The following OPCML variants were observed in gnomAD, a reference collection of about 807,000 sequenced individuals.
OPCML encodes the protein opioid-binding protein/cell adhesion molecule.
A neutral mutation model predicts 37.8 loss-of-function variants in OPCML; 13 were observed. That is an observed-to-expected ratio of 0.34 (90% CI 0.22 to 0.55). The LOEUF (loss-of-function observed/expected upper bound fraction) is 0.55. Among genes scored for constraint, OPCML ranks in the 20% least tolerant of loss-of-function variants. The probability of loss-of-function intolerance (pLI) is 0.91; values close to 1 mark genes in which losing one functional copy is unlikely to be tolerated. For missense variants in OPCML, 341 were observed against 435.6 expected (o/e 0.78, Z 1.93); for synonymous variants, 176 against 168.8 (o/e 1.04, Z -0.33).
intron 1 of OPCML, among the ~76,000 whole-genome samples, chr11:132,947,933 C>T (rs745401732): frequency 6.6e-6 from 1 of 152,166 alleles, no homozygotes; most frequent in Non-Finnish European, 1.5e-5. Flanking sequence ...ATTCAATATG[C>T]TCCAGTGAGC....
chr11:133,512,249 C>T (rs1458488894), intron 1 of OPCML, among the ~76,000 whole-genome samples: 2 of 152,256 alleles, frequency 1.3e-5, no homozygotes, highest in Non-Finnish European at 2.9e-5. Flanking sequence ...TAGATTCCCA[C>T]ACCTACCACC....
intron 3 of OPCML, among the ~76,000 whole-genome samples, chr11:132,617,071 T>C (rs2137887418): frequency 6.6e-6 from 1 of 152,376 alleles, no homozygotes; most frequent in East Asian, 1.9e-4. Flanking sequence ...TTGCAGCAGA[T>C]CAATGGCTGA....
At chr11:132,669,418 G>C (rs1416117331) in intron 2 of OPCML, among the ~76,000 whole-genome samples, 1 of 129,026 alleles carries the variant, frequency 7.8e-6, no homozygotes, top group Admixed American at 7.8e-5. Flanking sequence ...AAGGGAAAAG[G>C]GAAAATTATT....
At chr11:133,361,148 C>T (rs1416308466) in intron 1 of OPCML, 1 of 152,354 alleles carries the variant, frequency 6.6e-6, no homozygotes, top group African/African-American at 2.4e-5. Flanking sequence ...CGCTTGACCA[C>T]CAAGCCGGCG....
Position 132,943,493 on chromosome 11 carries a change from G to C in OPCML, c.62-483C>G. 4.2e-6 allele frequency: 1 copy of C among 237,322 alleles called. No homozygotes were observed. Among genetic ancestry groups the C allele is most frequent in the Non-Finnish European group, 8.4e-6 (1 of 119,094 alleles). The allele number at this position is 237,322 out of a possible 1,614,324, so 14.7% of individuals were successfully genotyped here. On this transcript the variant is annotated intron_variant, in intron 1 of 7. Transcript: ENST00000524381. This position sits in a 1 kb window ranked among gnomAD's most constrained non-coding sequence, Gnocchi z 4.3. ...GTTCTGCAGAGCTCTGGCATCAAAA[G>C]TTTATAACCCAAAGAAGAAGGCAAG... is the stretch of plus-strand genomic sequence containing the variant.
intron 1 of OPCML, among the ~76,000 whole-genome samples, chr11:132,970,038 C>G (rs564130528): frequency 1.3e-5 from 2 of 152,118 alleles, no homozygotes; most frequent in East Asian, 3.9e-4. Context: ...ATTTCAGCAA[C>G]TCCGGACACT....
chr11:133,421,290 A>G (rs1298285564), intron 1 of OPCML: 1 of 985,424 alleles, frequency 1.0e-6, no homozygotes, highest in East Asian at 1.1e-4. Context: ...CATCATTTGT[A>G]GAATGTGGTC....
At chr11:132,794,265 T>C (rs1164831012) in intron 2 of OPCML, among the ~76,000 whole-genome samples, 1 of 152,218 alleles carries the variant, frequency 6.6e-6, no homozygotes, top group East Asian at 1.9e-4. Flanking sequence ...TCACCTTTTA[T>C]TCTGAGGCTC....
chr11:132,573,784 T>C (rs1305519713), intron 3 of OPCML, among the ~76,000 whole-genome samples: 3 of 152,042 alleles, frequency 2.0e-5, no homozygotes, highest in Non-Finnish European at 2.9e-5. Context: ...TTTAATTTTT[T>C]AGAAGAGTTT....
intron 1 of OPCML, among the ~76,000 whole-genome samples, chr11:133,053,693 C>A (rs1197581523): frequency 6.6e-6 from 1 of 152,204 alleles, no homozygotes; most frequent in Non-Finnish European, 1.5e-5. Context: ...TTCGACCTAA[C>A]CTCCATCGTC....
intron 2 of OPCML, among the ~76,000 whole-genome samples, chr11:132,868,088 T>C (rs912364482): frequency 5.3e-5 from 8 of 152,184 alleles, no homozygotes; most frequent in African/African-American, 1.9e-4. Flanking sequence ...AGCACTAATG[T>C]ATTAAGCCTG....
intron 1 of OPCML, among the ~76,000 whole-genome samples, chr11:132,967,041 C>T (rs1361577081): frequency 1.3e-5 from 2 of 151,926 alleles, no homozygotes; most frequent in Non-Finnish European, 2.9e-5. Flanking sequence ...TAGTGATGTA[C>T]TTAGATTTAC....
intron 1 of OPCML, among the ~76,000 whole-genome samples, chr11:133,369,594 A>G (rs1298193075): frequency 6.6e-6 from 1 of 152,224 alleles, no homozygotes; most frequent in African/African-American, 2.4e-5. Context: ...CACAAAGTAC[A>G]GGAGTCATGA....
chr11:133,422,527 G>T (rs1233740360), intron 1 of OPCML: 1 of 975,258 alleles, frequency 1.0e-6, no homozygotes, highest in African/African-American at 1.8e-5. Context: ...TAGAGACGGG[G>T]TCCTGCTCTA....
intron 1 of OPCML, among the ~76,000 whole-genome samples, chr11:133,185,490 A>G (rs539273706): frequency 1.0e-3 from 152 of 152,310 alleles, no homozygotes; most frequent in South Asian, 2.7e-3. Flanking sequence ...AACTCATAGG[A>G]AGGACAAAAT....
At chr11:132,869,120 A>G (rs967469771) in intron 2 of OPCML, among the ~76,000 whole-genome samples, 7 of 152,160 alleles carry the variant, frequency 4.6e-5, no homozygotes, top group African/African-American at 1.7e-4. Flanking sequence ...CTGAGAATAG[A>G]AGCCAAGAGT....
chr11:132,449,597 A>T lies in OPCML; in HGVS notation c.506-12238T>A, dbSNP rs139757632. On this transcript the variant is annotated intron_variant, in intron 4 of 7. Coordinates refer to ENST00000524381, the MANE Select transcript of OPCML (RefSeq NM_001012393.5). ...GAAAGGGGCTGCCAGGACAGTGAAG[A>T]CAATTCCAGTATGATGCCCAAACTT... Among the ~76,000 whole-genome samples, 1,189 of 152,294 alleles carry T rather than the reference A, an allele frequency of 7.8e-3. 6 individuals are homozygous for T. The highest frequency in any genetic ancestry group is 0.012 in the Non-Finnish European group (825 of 68,020).
intron 1 of OPCML, among the ~76,000 whole-genome samples, chr11:133,219,905 T>G (rs1007845559): frequency 1.3e-5 from 2 of 152,110 alleles, no homozygotes; most frequent in African/African-American, 2.4e-5. Context: ...GTATAAAACT[T>G]AAAATGCCAG....
intron 1 of OPCML, among the ~76,000 whole-genome samples, chr11:133,524,392 G>A (rs908356971): frequency 3.3e-5 from 5 of 152,154 alleles, no homozygotes; most frequent in African/African-American, 1.2e-4. Context: ...CTTCTGCTAT[G>A]CAATTGCATT....
Sources: gnomAD v4.1 joint callset for allele counts (sites outside exome capture counted in the v4.1 genomes callset) on GRCh38, gnomAD v4.1.1 for gene constraint, Gnocchi (gnomAD v3.1) non-coding constraint, MANE v1.5 for transcripts, NCBI Gene and HGNC (gene_info 2026-07-23, HGNC 2026-07-21) for gene names.